HIPK2: variants seen among roughly 807,000 people sequenced by gnomAD.
HIPK2 encodes the protein homeodomain-interacting protein kinase 2.
Under a neutral mutation model 113.7 loss-of-function variants are expected in HIPK2, and 27 were observed. That is an observed-to-expected ratio of 0.24 (90% CI 0.17 to 0.33). HIPK2 has a LOEUF of 0.33. HIPK2 is among the 10% of genes least tolerant of loss of function. The pLI, the probability that HIPK2 is intolerant of heterozygous loss-of-function variation, is 1.00. For synonymous variants in HIPK2, 631 were observed against 642.2 expected (o/e 0.98, Z 0.26); for missense variants, 1,257 against 1,588.0 (o/e 0.79, Z 3.54).
chr7:139,741,584 T>C lies in HIPK2; in HGVS notation c.20-24569A>G, dbSNP rs186827881. Among the ~76,000 whole-genome samples the C allele has an allele frequency of 4.2e-3, 646 of 152,314 alleles. 9 individuals are homozygous for C. Among genetic ancestry groups the C allele is most frequent in the African/African-American group, 0.015 (614 of 41,554 alleles). The stretch of plus-strand genomic sequence containing the variant: ...GGCAGGTAGCTTGAGATCCTGAATA[T>C]GTCCTACCAGTGCACAGCCTGTTCC... On this transcript the variant is annotated intron_variant, in intron 1 of 14. Coordinates refer to ENST00000406875, the MANE Select transcript of HIPK2 (RefSeq NM_022740.5).
chr7:139,720,065 C>T (rs911140547), intron 1 of HIPK2, among the ~76,000 whole-genome samples: 1 of 152,254 alleles, frequency 6.6e-6, no homozygotes, highest in Non-Finnish European at 1.5e-5. Context: ...TACTAACCTT[C>T]CTGGGTCCTT....
rs1007615294 is a variant in HIPK2, at chr7:139,714,633, C to A, written c.1103+1299G>T. ...TGGAGAAAGCACACGGGCAAGCGAG[C>A]GTGCTTGCTTGCAAGCAGGATGGCC... On this transcript the variant is annotated intron_variant, in intron 2 of 14. Coordinates refer to ENST00000406875, the MANE Select transcript of HIPK2 (RefSeq NM_022740.5). The surrounding 1 kb of genome is among the most constrained non-coding windows in gnomAD (Gnocchi z 4.2). Among the ~76,000 whole-genome samples the A allele has an allele frequency of 6.6e-6, 1 of 152,222 alleles. No homozygotes were observed. Among genetic ancestry groups the A allele is most frequent in the African/African-American group, 2.4e-5 (1 of 41,458 alleles).
intron 1 of HIPK2, among the ~76,000 whole-genome samples, chr7:139,776,842 G>C (rs1170825478): frequency 6.6e-6 from 1 of 152,190 alleles, no homozygotes; most frequent in Non-Finnish European, 1.5e-5. Flanking sequence ...CAGTGTGCGA[G>C]GCAGACCTAC....
At chr7:139,610,753 G>A (rs1250691114) in intron 9 of HIPK2, among the ~76,000 whole-genome samples, 1 of 152,194 alleles carries the variant, frequency 6.6e-6, no homozygotes, top group East Asian at 1.9e-4. Context: ...ACAAAGTTGT[G>A]AGTTGTTTTT....
At chr7:139,584,142 G>A (rs1436617871) in intron 12 of HIPK2, 78 bp from the exon 13 acceptor site, 3 of 1,518,442 alleles carry the variant, frequency 2.0e-6, no homozygotes, top group Non-Finnish European at 2.6e-6. Context: ...CATGCCCTGG[G>A]GCAGGGGAGG....
intron 2 of HIPK2, among the ~76,000 whole-genome samples, chr7:139,669,302 A>G (rs979266765): frequency 3.3e-5 from 5 of 152,186 alleles, no homozygotes; most frequent in African/African-American, 9.7e-5. Flanking sequence ...TGCTCTCCCA[A>G]TTTGAGGCAT....
At chr7:139,725,105 CAA>C (rs1467108954) in intron 1 of HIPK2, among the ~76,000 whole-genome samples, 1 of 152,114 alleles carries the variant, frequency 6.6e-6, no homozygotes, top group East Asian at 1.9e-4. Flanking sequence ...ACAGGAAACA[CAA>C]AGACATCTAA....
intron 2 of HIPK2, among the ~76,000 whole-genome samples, chr7:139,657,943 G>A (rs919707121): frequency 3.3e-5 from 5 of 152,154 alleles, no homozygotes; most frequent in African/African-American, 1.2e-4. Context: ...GGGATCAGGA[G>A]ACCTGGGTTC....
At chr7:139,617,048 C>G (rs1394571527) in intron 7 of HIPK2, among the ~76,000 whole-genome samples, 1 of 152,182 alleles carries the variant, frequency 6.6e-6, no homozygotes, top group East Asian at 1.9e-4. Context: ...AGGTTTTCCC[C>G]TAGTTTCGAA....
At chr7:139,649,507 G>C (rs1182845751) in intron 2 of HIPK2, among the ~76,000 whole-genome samples, 1 of 152,096 alleles carries the variant, frequency 6.6e-6, no homozygotes, top group Admixed American at 6.6e-5. Flanking sequence ...GAATATTAAG[G>C]GTGGTCTTGA....
chr7:139,656,763 G>A (rs376057444), intron 2 of HIPK2, among the ~76,000 whole-genome samples: 48 of 152,130 alleles, frequency 3.2e-4, no homozygotes, highest in African/African-American at 1.1e-3. Flanking sequence ...TGTGCACACC[G>A]CAATACTCTC....
chr7:139,625,730 C>T (rs1800402834), intron 6 of HIPK2, among the ~76,000 whole-genome samples: 1 of 152,206 alleles, frequency 6.6e-6, no homozygotes, highest in African/African-American at 2.4e-5. Flanking sequence ...TACTTGTCCT[C>T]ATAGCAGCCT....
rs1210673325 is a variant in HIPK2, at chr7:139,613,373, C to G, written c.1991-50G>C. 1.2e-6 allele frequency: 2 copies of G among 1,600,534 alleles called. No homozygotes were observed. Among genetic ancestry groups the G allele is most frequent in the African/African-American group, 1.3e-5 (1 of 74,762 alleles). On this transcript the variant is annotated intron_variant, in intron 8 of 14. Coordinates refer to ENST00000406875, the MANE Select transcript of HIPK2 (RefSeq NM_022740.5). The surrounding 1 kb of genome is among the most constrained non-coding windows in gnomAD (Gnocchi z 4.2). The stretch of plus-strand genomic sequence containing the variant: ...GAAGGGTTAGCTGAGACGCTGTGAA[C>G]AGCTGGATGAAAAGAACCTTCCTGG...
chr7:139,747,476 C>G (rs1002588582), intron 1 of HIPK2, among the ~76,000 whole-genome samples: 4 of 152,218 alleles, frequency 2.6e-5, no homozygotes, highest in African/African-American at 9.6e-5. Flanking sequence ...AGCTTCCTGG[C>G]TTTTCTTCAA....
chr7:139,757,145 C>T (rs900191257), intron 1 of HIPK2, among the ~76,000 whole-genome samples: 2 of 152,260 alleles, frequency 1.3e-5, no homozygotes, highest in African/African-American at 2.4e-5. Context: ...GACATATGTA[C>T]CAGCAACTCT....
chr7:139,617,954 A>G (rs939737636), intron 7 of HIPK2, among the ~76,000 whole-genome samples: 2 of 152,248 alleles, frequency 1.3e-5, no homozygotes, highest in African/African-American at 4.8e-5. Context: ...AAGAGCAGAC[A>G]TCACCTAGGA....
At chr7:139,576,228 CA>C (rs1490069115) in intron 13 of HIPK2, among the ~76,000 whole-genome samples, 1 of 152,244 alleles carries the variant, frequency 6.6e-6, no homozygotes, top group Non-Finnish European at 1.5e-5. Context: ...TGGCCAAGCA[CA>C]AAACTGCCTC....
rs189177055 is a variant in HIPK2 at position 139,683,482 on chromosome 7, G to A, written c.1103+32450C>T. ...CCACAGGACTGCTCACAACACGGGA[G>A]CCAAAGCGAGAAATACCAGAGAGAG... On this transcript the variant is annotated intron_variant, in intron 2 of 14. Transcript: ENST00000406875. The surrounding 1 kb of genome is among the most constrained non-coding windows in gnomAD (Gnocchi z 4.2). Among the ~76,000 whole-genome samples, 1 of 151,938 alleles carries A rather than the reference G, an allele frequency of 6.6e-6. No homozygotes were observed. The highest frequency in any genetic ancestry group is 6.5e-5 in the Admixed American group (1 of 15,294).
At chr7:139,687,936 A>G (rs1190903223) in intron 2 of HIPK2, among the ~76,000 whole-genome samples, 1 of 152,222 alleles carries the variant, frequency 6.6e-6, no homozygotes, top group Non-Finnish European at 1.5e-5. Context: ...GATCCTTGGG[A>G]AGAACCAGAT....
Sources: allele counts gnomAD v4.1 joint callset (sites outside exome capture counted in the v4.1 genomes callset), GRCh38; gene constraint gnomAD v4.1.1; non-coding constraint Gnocchi (gnomAD v3.1); transcripts MANE v1.5; gene names NCBI Gene and HGNC (gene_info 2026-07-23, HGNC 2026-07-21).